Variants in WDFY3 observed in about 807,000 individuals in gnomAD.
WDFY3 encodes the protein WD repeat and FYVE domain containing 3, also known as WD repeat and FYVE domain-containing protein 3.
In WDFY3, 66 loss-of-function variants were observed where a neutral mutation model predicts 409.6. The ratio of observed to expected loss-of-function variants is 0.16; its 90% confidence interval spans 0.13 to 0.20. The LOEUF (loss-of-function observed/expected upper bound fraction) is 0.20. WDFY3 is among the 10% of genes least tolerant of loss of function. WDFY3 has a pLI of 1.00. For missense variants in WDFY3, 3,031 were observed against 4,298.1 expected (o/e 0.71, Z 8.24); for synonymous variants, 1,521 against 1,537.1 (o/e 0.99, Z 0.25).
At chr4:84,927,673 C>T (rs1770184421) in intron 2 of WDFY3, among the ~76,000 whole-genome samples, 1 of 152,088 alleles carries the variant, frequency 6.6e-6, no homozygotes, top group African/African-American at 2.4e-5. Context: ...CTCAGGGGAT[C>T]TGATGGTTTT....
At chr4:84,924,920 A>C (rs983982150) in intron 2 of WDFY3, among the ~76,000 whole-genome samples, 21 of 152,342 alleles carry the variant, frequency 1.4e-4, no homozygotes, top group Non-Finnish European at 2.4e-4. Context: ...AATTTGCAAG[A>C]ACCAGTACAA....
At chr4:84,695,509 T>TAGAGAGAGAGAGAGAG (rs869147060) in intron 58 of WDFY3, among the ~76,000 whole-genome samples, 19 of 107,356 alleles carry the variant, frequency 1.8e-4, no homozygotes, top group East Asian at 5.8e-4. Flanking sequence ...CAGAGAGAGA[T>TAGAGAGAGAGAGAGAG]AGAGAGAGAG....
chr4:84,800,950 G>A (rs986486762), intron 17 of WDFY3, among the ~76,000 whole-genome samples: 2 of 152,052 alleles, frequency 1.3e-5, no homozygotes, highest in Non-Finnish European at 2.9e-5. Context: ...GACCAGTACT[G>A]GTCCATGGCT....
chr4:84,873,222 T>C (rs1762359139), intron 3 of WDFY3, among the ~76,000 whole-genome samples: 1 of 152,140 alleles, frequency 6.6e-6, no homozygotes, highest in South Asian at 2.1e-4. Context: ...AACAGCAGAA[T>C]ACACATTCTT....
chr4:84,860,342 A>C, intron 4 of WDFY3, 70 bp downstream of exon 4: 1 of 1,495,098 alleles, frequency 6.7e-7, no homozygotes, highest in Non-Finnish European at 9.0e-7. Flanking sequence ...CCTATGGCTT[A>C]CCAGTAACCT....
chr4:84,751,117 T>C, intron 36 of WDFY3: 1 of 281,912 alleles, frequency 3.5e-6, no homozygotes, highest in East Asian at 8.3e-5. Flanking sequence ...ACTGCCATGC[T>C]CATTCTCTTA....
intron 15 of WDFY3, among the ~76,000 whole-genome samples, chr4:84,807,368 A>AAAATG (rs1385786593): frequency 2.6e-5 from 4 of 152,214 alleles, no homozygotes; most frequent in Non-Finnish European, 5.9e-5. Context: ...ATTTAAGAGA[A>AAAATG]AAATGAAATT....
intron 5 of WDFY3, among the ~76,000 whole-genome samples, chr4:84,842,585 T>C (rs539956479): frequency 2.0e-5 from 3 of 151,908 alleles, no homozygotes; most frequent in Non-Finnish European, 4.4e-5. Flanking sequence ...CGAGGCCATC[T>C]TGGCCACTAA....
chr4:84,914,846 A>G (rs1768266543), intron 2 of WDFY3, among the ~76,000 whole-genome samples: 1 of 152,222 alleles, frequency 6.6e-6, no homozygotes, highest in African/African-American at 2.4e-5. Flanking sequence ...AAAAGAGTTG[A>G]AAACAGTGAC....
chr4:84,850,951 T>G (rs1758905091), intron 4 of WDFY3, among the ~76,000 whole-genome samples: 2 of 89,420 alleles, frequency 2.2e-5, no homozygotes, highest in Admixed American at 1.2e-4. Context: ...TTTTTTTTTT[T>G]TTTTTTTTTT....
intron 13 of WDFY3, among the ~76,000 whole-genome samples, chr4:84,817,052 C>T (rs1017011130): frequency 6.6e-6 from 1 of 152,068 alleles, no homozygotes; most frequent in African/African-American, 2.4e-5. Context: ...CCAAATCTAA[C>T]ATTCATTTCA....
At chr4:84,679,268 A>G in intron 64 of WDFY3, 26 bp from the exon 65 acceptor site, 9 of 1,456,366 alleles carry the variant, frequency 6.2e-6, no homozygotes, top group Non-Finnish European at 8.2e-6. Flanking sequence ...AGAGAATTGG[A>G]ACATACGGAA....
At chr4:84,836,453 G>A (rs1172011481) in intron 7 of WDFY3, among the ~76,000 whole-genome samples, 1 of 152,058 alleles carries the variant, frequency 6.6e-6, no homozygotes, top group African/African-American at 2.4e-5. Flanking sequence ...AAAGAACAGT[G>A]CTAACAGTGG....
chr4:84,770,241 G>A (rs1744428084), intron 30 of WDFY3, among the ~76,000 whole-genome samples: 1 of 151,898 alleles, frequency 6.6e-6, no homozygotes, highest in South Asian at 2.1e-4. Flanking sequence ...TGTTAGCCAG[G>A]ATGGTCTCGA....
At chr4:84,956,728 T>C (rs1774281348) in intron 1 of WDFY3, among the ~76,000 whole-genome samples, 1 of 152,134 alleles carries the variant, frequency 6.6e-6, no homozygotes, top group South Asian at 2.1e-4. Flanking sequence ...ACCACCTATG[T>C]CAGTTGTCTT....
intron 13 of WDFY3, among the ~76,000 whole-genome samples, chr4:84,815,828 C>T (rs1261973856): frequency 6.6e-6 from 1 of 151,948 alleles, no homozygotes; most frequent in African/African-American, 2.4e-5. Context: ...TTTTAGCACT[C>T]GAAATTAAGA....
chr4:84,839,772 C>T (rs1211743629), intron 6 of WDFY3, among the ~76,000 whole-genome samples: 2 of 151,744 alleles, frequency 1.3e-5, no homozygotes, highest in African/African-American at 4.8e-5. Flanking sequence ...GCAAGAGAAT[C>T]GCTTGAATCT....
chr4:84,729,489 TAATA>T (rs2149138226), intron 44 of WDFY3, among the ~76,000 whole-genome samples: 1 of 151,954 alleles, frequency 6.6e-6, no homozygotes, highest in East Asian at 1.9e-4. Context: ...TTCTCGATAT[TAATA>T]ATTATTACTA....
In WDFY3 at chr4:84,672,507, G is replaced by A. The variant is rs1446837156; in HGVS notation, c.*361C>T. Reference sequence around the variant, plus strand: ...CAACCATTTTCTAAAAGCCTTTTTTGTTGTTGGTTTTTCCAAATAAGGATG... The same window carrying A: ...CAACCATTTTCTAAAAGCCTTTTTTATTGTTGGTTTTTCCAAATAAGGATG... On this transcript the variant is annotated 3_prime_UTR_variant, in exon 68 of 68. Coordinates refer to ENST00000295888, the MANE Select transcript of WDFY3 (RefSeq NM_014991.6). 6.2e-6 allele frequency: 1 copy of A among 160,712 alleles called. No individual in the cohort carries two copies. The highest frequency in any genetic ancestry group is 1.4e-5 in the Non-Finnish European group (1 of 73,988). The allele number at this position is 160,712 out of a possible 1,614,324, so 10.0% of individuals were successfully genotyped here.
Sources: gnomAD v4.1 joint callset for allele counts (sites outside exome capture counted in the v4.1 genomes callset) on GRCh38, gnomAD v4.1.1 for gene constraint, MANE v1.5 for transcripts, NCBI Gene and HGNC (gene_info 2026-07-23, HGNC 2026-07-21) for gene names.